Variants in FAM3D observed in about 807,000 individuals in gnomAD.
FAM3D encodes the protein protein FAM3D.
Under a neutral mutation model 29.8 loss-of-function variants are expected in FAM3D, and 26 were observed. The ratio of observed to expected loss-of-function variants is 0.87; its 90% CI spans 0.64 to 1.21. The LOEUF is 1.21. Among genes scored for constraint, FAM3D ranks in the 50% most tolerant of loss-of-function variants. The probability of loss-of-function intolerance (pLI) is 0.00; values close to 1 mark genes in which losing one functional copy is unlikely to be tolerated. For synonymous variants in FAM3D, 115 were observed against 102.3 expected, an observed-to-expected ratio of 1.12 and a Z score of -0.75; for missense variants, 253 against 290.9, an observed-to-expected ratio of 0.87 and a Z score of 0.95.
intron 1 of FAM3D, among the ~76,000 whole-genome samples, chr3:58,661,929 A>T (rs1421434842): frequency 1.3e-5 from 2 of 152,226 alleles, no homozygotes; most frequent in Non-Finnish European, 2.9e-5. Context: ...GGGTTCCTCC[A>T]GGTCCCAGCA....
intron 3 of FAM3D, among the ~76,000 whole-genome samples, chr3:58,652,203 T>C (rs527306667): frequency 8.5e-5 from 13 of 152,356 alleles, no homozygotes; most frequent in African/African-American, 3.1e-4. Context: ...GGTGAGTTTT[T>C]AAATCTCCTC....
chr3:58,664,930 A>G (rs1055722101), intron 1 of FAM3D, among the ~76,000 whole-genome samples: 1 of 152,174 alleles, frequency 6.6e-6, no homozygotes, highest in East Asian at 1.9e-4. Context: ...CCAGTAGTAG[A>G]CAGGTAGGTC....
chr3:58,651,851 G>A (rs930042304), intron 3 of FAM3D, among the ~76,000 whole-genome samples: 4 of 151,526 alleles, frequency 2.6e-5, no homozygotes, highest in African/African-American at 9.7e-5. Flanking sequence ...GCGGGGGTGG[G>A]GACACTTGGC....
At chr3:58,658,486 C>G (rs58556116) in intron 1 of FAM3D, among the ~76,000 whole-genome samples, 59,520 of 152,082 alleles carry the variant, frequency 0.39, 12,691 homozygotes, top group Middle Eastern at 0.51. Flanking sequence ...GGCCTTTGCA[C>G]TTGCGAGTCC....
intron 1 of FAM3D, among the ~76,000 whole-genome samples, chr3:58,664,509 C>T (rs56292712): frequency 0.15 from 23,064 of 152,238 alleles, 2,088 homozygotes; most frequent in African/African-American, 0.24. Context: ...GCACCTACTA[C>T]GTGGCAAGCA....
rs1370500284 is a variant in FAM3D at position 58,652,531 on chromosome 3, TC to T, written c.121+1142del. 3.3e-5 allele frequency among the ~76,000 whole-genome samples: 5 copies of T among 149,524 alleles called. No individual in the cohort carries two copies. The East Asian group carries it at 1.0e-3, about 30-fold the overall frequency. On this transcript the variant is annotated intron_variant, in intron 3 of 9. Coordinates refer to ENST00000358781, the MANE Select transcript of FAM3D (RefSeq NM_138805.3). ...ACCCATCTACCCATCCACCCATCCATCTACTCACTCATCCCTTCTCCACCCA... is the reference window on the plus strand; with the variant it reads ...ACCCATCTACCCATCCACCCATCCATTACTCACTCATCCCTTCTCCACCCA...
At position 58,636,294 on chromosome 3, in the gene FAM3D, C is replaced by A; in HGVS notation, c.585G>T (p.Gln195His). The A allele has an allele frequency of 6.2e-7, 1 of 1,613,764 alleles. No individual in the cohort carries two copies. The highest frequency in any genetic ancestry group is 8.5e-7 in the Non-Finnish European group (1 of 1,179,940). Residue 195 changes from glutamine to histidine, a missense_variant and splice_region_variant, in exon 9 of 10, where the codon CAG becomes CAT. Transcript: ENST00000358781. Reference sequence around the variant, plus strand: ...GGCCGGGTTGTGGCCCAGAACCCACCTGCTCAAAGGGGCTTTTACCCCTGA... The same window carrying A: ...GGCCGGGTTGTGGCCCAGAACCCACATGCTCAAAGGGGCTTTTACCCCTGA... Reference protein sequence around the residue: ...KDLRGKSPFEQFLKNSPDTNK... With the variant: ...KDLRGKSPFEHFLKNSPDTNK...
At chr3:58,643,805 G>A in intron 5 of FAM3D, 85 bp from the exon 6 acceptor site, 1 of 1,251,868 alleles carries the variant, frequency 8.0e-7, no homozygotes, top group Non-Finnish European at 1.2e-6. Context: ...ACTCCGTGAG[G>A]ACCCACATAA....
intron 6 of FAM3D, 112 bp downstream of exon 6, chr3:58,643,550 A>AT (rs1358674623): frequency 8.6e-6 from 10 of 1,167,392 alleles, no homozygotes; most frequent in African/African-American, 3.0e-5. Flanking sequence ...CTCTACGGGC[A>AT]TTCCTGCCAT....
intron 6 of FAM3D, among the ~76,000 whole-genome samples, chr3:58,641,850 C>T (rs886697108): frequency 6.6e-6 from 1 of 152,052 alleles, no homozygotes; most frequent in African/African-American, 2.4e-5. Flanking sequence ...GGAAAGAGGC[C>T]TAGTCTGGGG....
chr3:58,634,625 C>T lies in FAM3D; in HGVS notation c.586-257G>A, dbSNP rs1176515810. 7.9e-5 allele frequency among the ~76,000 whole-genome samples: 12 copies of T among 152,168 alleles called. No individual in the cohort carries two copies. Among genetic ancestry groups the T allele is most frequent in the Admixed American group, 7.9e-4 (12 of 15,286 alleles). ...GAGATCTGGCCCCTCCCCACAAATT[C>T]TCTGTGTCCCTCTAGGATACCTCAA... On this transcript the variant is annotated intron_variant, in intron 9 of 9. Transcript: ENST00000358781. This position sits in a 1 kb window ranked among gnomAD's most constrained non-coding sequence, Gnocchi z 4.6.
chr3:58,640,098 G>A, intron 7 of FAM3D, 29 bp downstream of exon 7: 2 of 1,613,426 alleles, frequency 1.2e-6, no homozygotes, highest in Non-Finnish European at 8.5e-7. Flanking sequence ...ACCCCCGACT[G>A]TGACTTCAGT....
intron 1 of FAM3D, among the ~76,000 whole-genome samples, chr3:58,664,940 C>T (rs1440606392): frequency 2.6e-5 from 4 of 152,182 alleles, no homozygotes; most frequent in Admixed American, 6.5e-5. Context: ...ACAGGTAGGT[C>T]TCCTCCAAGG....
intron 2 of FAM3D, among the ~76,000 whole-genome samples, chr3:58,654,696 C>T (rs1429210489): frequency 2.0e-5 from 3 of 152,034 alleles, no homozygotes; most frequent in Admixed American, 6.6e-5. Flanking sequence ...TGGCATCTCC[C>T]CTGCTCCCCA....
rs375479665 is a variant in FAM3D, at chr3:58,645,759, C to T, written c.146-133G>A. 1,518 of 758,184 alleles carry T rather than the reference C, an allele frequency of 2.0e-3. 13 individuals are homozygous for T. The highest frequency in any genetic ancestry group is 8.9e-3 in the South Asian group (539 of 60,864). 47.0% of individuals were successfully genotyped at this position (758,184 alleles called of 1,614,324 possible). ...CAGAGCCTCTTTCTGGGGGAGCCTT[C>T]GCTGATTGCAAAGTCTGGGAGATGT... On this transcript the variant is annotated intron_variant, in intron 4 of 9. Transcript: ENST00000358781.
At position 58,653,797 on chromosome 3, in the gene FAM3D, A is replaced by C. The variant is rs1367650327; in HGVS notation, c.14-16T>G. ...CGAAGCACACCTGCTGAGCAAGGGGATGCTGCCAGGAGACCACAGAGCCAA... is the reference window on the plus strand; with the variant it reads ...CGAAGCACACCTGCTGAGCAAGGGGCTGCTGCCAGGAGACCACAGAGCCAA... On this transcript the variant is annotated splice_polypyrimidine_tract_variant and intron_variant, in intron 2 of 9. Coordinates refer to ENST00000358781, the MANE Select transcript of FAM3D (RefSeq NM_138805.3). 4.4e-6 allele frequency: 7 copies of C among 1,605,736 alleles called. No homozygotes were observed. Among genetic ancestry groups the C allele is most frequent in the Admixed American group, 1.7e-5 (1 of 59,998 alleles).
intron 8 of FAM3D, 45 bp from the exon 9 acceptor site, chr3:58,636,465 C>A (rs1443004006): frequency 1.2e-6 from 2 of 1,604,174 alleles, no homozygotes; most frequent in Non-Finnish European, 1.7e-6. Flanking sequence ...GGGTGGGTCG[C>A]AGGGGCATCA....
intron 1 of FAM3D, among the ~76,000 whole-genome samples, chr3:58,663,590 C>T (rs1485822031): frequency 6.6e-6 from 1 of 152,196 alleles, no homozygotes; most frequent in Non-Finnish European, 1.5e-5. Context: ...TACACTCCCA[C>T]CCTACCCCTT....
intron 5 of FAM3D, 78 bp downstream of exon 5, chr3:58,645,431 G>T (rs2066447241): frequency 2.5e-6 from 3 of 1,183,112 alleles, no homozygotes; most frequent in Admixed American, 5.4e-5. Flanking sequence ...AGCCCCTGCA[G>T]CCTCTGAGTT....
Sources: gnomAD v4.1 joint callset for allele counts (sites outside exome capture counted in the v4.1 genomes callset) on GRCh38, gnomAD v4.1.1 for gene constraint, Gnocchi (gnomAD v3.1) non-coding constraint, MANE v1.5 for transcripts, NCBI Gene and HGNC (gene_info 2026-07-23, HGNC 2026-07-21) for gene names.